The following KANK1 variants were observed in gnomAD, a reference collection of about 807,000 sequenced individuals.
KANK1 encodes the protein KN motif and ankyrin repeat domains 1, also known as KN motif and ankyrin repeat domain-containing protein 1.
A neutral mutation model predicts 106.2 loss-of-function variants in KANK1; 109 were observed. That is an observed-to-expected ratio of 1.03 (90% CI 0.88 to 1.20). KANK1 has a LOEUF of 1.20. Among genes scored for constraint, KANK1 ranks in the 50% most tolerant of loss-of-function variants. The pLI is 0.00. For missense variants in KANK1, 2,399 were observed against 1,710.7 expected, an observed-to-expected ratio of 1.40 and a Z score of -7.10; for synonymous variants, 873 against 652.2, an observed-to-expected ratio of 1.34 and a Z score of -5.16.
chr9:725,210 C>G (rs563454688), intron 3 of KANK1, among the ~76,000 whole-genome samples: 1 of 152,242 alleles, frequency 6.6e-6, no homozygotes, highest in East Asian at 1.9e-4. Flanking sequence ...GGGGCAAGTC[C>G]TGAACCTAGC....
intron 7 of KANK1, among the ~76,000 whole-genome samples, chr9:736,337 T>C (rs991191406): frequency 2.6e-5 from 4 of 152,184 alleles, no homozygotes; most frequent in Non-Finnish European, 5.9e-5. Context: ...TTTTTAAATA[T>C]TTTCACTCTG....
chr9:599,298 G>A (rs974871850), intron 1 of KANK1, among the ~76,000 whole-genome samples: 1 of 151,210 alleles, frequency 6.6e-6, no homozygotes, highest in Non-Finnish European at 1.5e-5. Context: ...GATTATAGTT[G>A]TGAGCCACCA....
chr9:514,244 C>T (rs1041547075), intron 1 of KANK1, among the ~76,000 whole-genome samples: 1 of 101,786 alleles, frequency 9.8e-6, no homozygotes, highest in East Asian at 2.2e-4. Context: ...CCCTCCCTTC[C>T]TTCCTTCCTC....
chr9:578,329 C>CTG (rs33959144), intron 1 of KANK1, among the ~76,000 whole-genome samples: 1,873 of 149,766 alleles, frequency 0.013, 15 homozygotes, highest in East Asian at 0.032. Context: ...TATTTTTCAA[C>CTG]TGTGTGTGTG....
At chr9:685,554 C>G (rs995846255) in intron 2 of KANK1, 6 of 152,156 alleles carry the variant, frequency 3.9e-5, no homozygotes, top group African/African-American at 1.4e-4. Flanking sequence ...TTTGCCTGAT[C>G]CCTGATTTCC....
At chr9:676,746 G>T in intron 1 of KANK1, 144 bp from the exon 2 acceptor site, 2 of 450,372 alleles carry the variant, frequency 4.4e-6, no homozygotes, top group Non-Finnish European at 8.0e-6. Flanking sequence ...GTCCAATGCA[G>T]TCACCTCCTG....
intron 1 of KANK1, among the ~76,000 whole-genome samples, chr9:550,442 A>G (rs2061208878): frequency 6.6e-6 from 1 of 152,216 alleles, no homozygotes; most frequent in Non-Finnish European, 1.5e-5. Flanking sequence ...AGAACAGATA[A>G]GGTATCTTAT....
chr9:478,973 A>G (rs2058156051), intron 3 of KANK1, among the ~76,000 whole-genome samples: 1 of 146,486 alleles, frequency 6.8e-6, no homozygotes, highest in South Asian at 2.1e-4. Context: ...CCTGGGGCGC[A>G]GTGGTGCAAT....
At chr9:729,257 A>G (rs1831566098) in intron 3 of KANK1, among the ~76,000 whole-genome samples, 1 of 152,222 alleles carries the variant, frequency 6.6e-6, no homozygotes. Flanking sequence ...ACCATCTACA[A>G]GGGAGTCTAA....
At chr9:737,561 G>A (rs1261897108) in intron 7 of KANK1, among the ~76,000 whole-genome samples, 1 of 152,230 alleles carries the variant, frequency 6.6e-6, no homozygotes, top group Non-Finnish European at 1.5e-5. Context: ...CACAAAGCAA[G>A]TGCCTTCTTC....
At chr9:632,461 T>C (rs1268210804) in intron 1 of KANK1, among the ~76,000 whole-genome samples, 3 of 152,156 alleles carry the variant, frequency 2.0e-5, no homozygotes, top group Admixed American at 6.5e-5. Flanking sequence ...ATTGAGAGCA[T>C]GGAAAAGATA....
chr9:690,857 CAGA>C (rs1245232941), intron 2 of KANK1, among the ~76,000 whole-genome samples: 1 of 152,204 alleles, frequency 6.6e-6, no homozygotes, highest in East Asian at 1.9e-4. Flanking sequence ...CCTGGTACCA[CAGA>C]AGGCTTTTGT....
At chr9:639,325 A>G (rs1001974798) in intron 1 of KANK1, among the ~76,000 whole-genome samples, 1 of 151,550 alleles carries the variant, frequency 6.6e-6, no homozygotes, top group African/African-American at 2.4e-5. Flanking sequence ...ATTTTTATTT[A>G]TTTATTATTA....
chr9:738,142 C>T, intron 7 of KANK1, 143 bp from the exon 8 acceptor site: 1 of 654,044 alleles, frequency 1.5e-6, no homozygotes, highest in Non-Finnish European at 2.6e-6. Context: ...TTTGAAGCTT[C>T]TCTTAGGGCT....
At chr9:501,613 T>TACACACACAC (rs60211646), upstream of KANK1, among the ~76,000 whole-genome samples, 106 of 148,546 alleles carry the variant, frequency 7.1e-4, no homozygotes, top group African/African-American at 2.4e-3. Context: ...CGCACAGACA[T>TACACACACAC]ACACACACAC....
chr9:565,319 A>T (rs1817541214), intron 1 of KANK1, among the ~76,000 whole-genome samples: 1 of 152,198 alleles, frequency 6.6e-6, no homozygotes, highest in East Asian at 1.9e-4. Context: ...AGTCAACCCT[A>T]AAGAATGGTT....
intron 1 of KANK1, among the ~76,000 whole-genome samples, chr9:571,716 G>T (rs2134859422): frequency 6.6e-6 from 1 of 152,236 alleles, no homozygotes; most frequent in Admixed American, 6.5e-5. Flanking sequence ...AATACAGTTG[G>T]ACTATAGAGT....
intron 2 of KANK1, among the ~76,000 whole-genome samples, chr9:681,742 G>A (rs772071367): frequency 4.6e-5 from 7 of 152,228 alleles, no homozygotes; most frequent in Non-Finnish European, 7.4e-5. Flanking sequence ...CCTGCTGGAC[G>A]CCATGATATT....
At chr9:596,550 C>G (rs537745794) in intron 1 of KANK1, among the ~76,000 whole-genome samples, 2 of 151,594 alleles carry the variant, frequency 1.3e-5, no homozygotes, top group Non-Finnish European at 2.9e-5. Flanking sequence ...GTTTCCTTTT[C>G]CCCTGGCAAT....
Sources: gnomAD v4.1 joint callset for allele counts (sites outside exome capture counted in the v4.1 genomes callset) on GRCh38, gnomAD v4.1.1 for gene constraint, MANE v1.5 for transcripts, NCBI Gene and HGNC (gene_info 2026-07-23, HGNC 2026-07-21) for gene names.